OSBPL10: variants seen among roughly 807,000 people sequenced by gnomAD.
OSBPL10 encodes the protein oxysterol binding protein like 10.
A neutral mutation model predicts 81.7 loss-of-function variants in OSBPL10; 49 were observed. The ratio of observed to expected loss-of-function variants is 0.60; its 90% confidence interval spans 0.48 to 0.76. The LOEUF (loss-of-function observed/expected upper bound fraction) is 0.76, where lower values mean the gene tolerates loss of function less well. Among genes scored for constraint, OSBPL10 ranks in the 30% least tolerant of loss-of-function variants. The pLI is 0.00. For missense variants in OSBPL10, 923 were observed against 987.8 expected, an observed-to-expected ratio of 0.93 and a Z score of 0.88; for synonymous variants, 419 against 383.6, an observed-to-expected ratio of 1.09 and a Z score of -1.08.
chr3:31,768,607 T>C (rs1163154718), intron 4 of OSBPL10, among the ~76,000 whole-genome samples: 1 of 152,140 alleles, frequency 6.6e-6, no homozygotes, highest in African/African-American at 2.4e-5. Flanking sequence ...AGGGATAAAT[T>C]GGCCTATGTT....
chr3:31,723,539 T>C (rs924451241), intron 6 of OSBPL10, among the ~76,000 whole-genome samples: 37 of 125,086 alleles, frequency 3.0e-4, no homozygotes, highest in Admixed American at 8.4e-4. Flanking sequence ...CTCTGTTTCT[T>C]ACACACACAC....
At chr3:32,055,920 A>T (rs1375970538) in intron 1 of OSBPL10, among the ~76,000 whole-genome samples, 2 of 152,224 alleles carry the variant, frequency 1.3e-5, no homozygotes, top group Admixed American at 1.3e-4. Flanking sequence ...TTGTATGTGT[A>T]AACCCATGGC....
intron 4 of OSBPL10, among the ~76,000 whole-genome samples, chr3:31,811,410 C>T (rs558505526): frequency 5.3e-5 from 8 of 152,312 alleles, no homozygotes; most frequent in South Asian, 4.1e-4. Context: ...GCAGGGAGGA[C>T]GGCTTTCCCC....
intron 7 of OSBPL10, among the ~76,000 whole-genome samples, chr3:31,688,103 C>T (rs1700839073): frequency 2.0e-5 from 3 of 151,796 alleles, no homozygotes; most frequent in African/African-American, 2.4e-5. Context: ...GCGTAGGAGG[C>T]GTGGCTCCTG....
At position 31,780,164 on chromosome 3, in the gene OSBPL10, G is replaced by A. The variant is rs193082837; in HGVS notation, c.730-32044C>T. Reference sequence around the variant, plus strand: ...AAAGATTAGCCGGGTGTGGTGGCAGGCGCCTGTAGTCCCAGCTACTCAGGA... The same window carrying A: ...AAAGATTAGCCGGGTGTGGTGGCAGACGCCTGTAGTCCCAGCTACTCAGGA... On this transcript the variant is annotated intron_variant, in intron 4 of 11. Transcript: ENST00000396556. Among the ~76,000 whole-genome samples the A allele has an allele frequency of 4.1e-4, 63 of 152,182 alleles. 2 individuals carry two copies. The East Asian group carries it at 7.2e-3, about 17-fold the overall frequency.
At chr3:32,004,942 C>T (rs1384859461) in intron 2 of OSBPL10, among the ~76,000 whole-genome samples, 1 of 152,192 alleles carries the variant, frequency 6.6e-6, no homozygotes, top group East Asian at 1.9e-4. Flanking sequence ...TGTTTCTCCC[C>T]ATAGGCACCC....
At chr3:31,662,403 A>G in intron 11 of OSBPL10, 2 of 1,159,328 alleles carry the variant, frequency 1.7e-6, no homozygotes, top group Non-Finnish European at 2.1e-6. Flanking sequence ...AAAAAAAAGA[A>G]GCACTTTGAC....
chr3:32,021,149 T>C (rs4955124), intron 2 of OSBPL10, among the ~76,000 whole-genome samples: 116,077 of 152,104 alleles, frequency 0.76, 46,983 homozygotes, highest in Non-Finnish European at 0.91. Flanking sequence ...TGTGTCCAAG[T>C]ATAATCACAT....
chr3:31,824,440 C>G (rs986029719), intron 4 of OSBPL10, among the ~76,000 whole-genome samples: 15 of 152,162 alleles, frequency 9.9e-5, no homozygotes, highest in African/African-American at 3.6e-4. Context: ...CATAAAGTCT[C>G]TGATCCAAAA....
At chr3:31,739,144 T>C (rs1383807341) in intron 5 of OSBPL10, among the ~76,000 whole-genome samples, 1 of 152,142 alleles carries the variant, frequency 6.6e-6, no homozygotes, top group Non-Finnish European at 1.5e-5. Context: ...CATACCACAA[T>C]CTTGAACTCC....
chr3:31,928,228 G>A (rs558383595), intron 1 of OSBPL10, among the ~76,000 whole-genome samples: 2 of 152,086 alleles, frequency 1.3e-5, no homozygotes, highest in African/African-American at 4.8e-5. Flanking sequence ...TAATTCGGAG[G>A]TATTGATCTT....
At chr3:31,701,758 C>T (rs983908619) in intron 7 of OSBPL10, 2 of 152,516 alleles carry the variant, frequency 1.3e-5, no homozygotes, top group African/African-American at 4.8e-5. Flanking sequence ...GGTCAGGACA[C>T]TGGTTCTGTT....
intron 4 of OSBPL10, among the ~76,000 whole-genome samples, chr3:31,820,971 A>AC (rs1477274342): frequency 3.3e-5 from 5 of 152,160 alleles, no homozygotes; most frequent in Non-Finnish European, 7.3e-5. Flanking sequence ...AACCAAAAAC[A>AC]CCTTTAGATG....
intron 1 of OSBPL10, among the ~76,000 whole-genome samples, chr3:31,895,690 A>C (rs1028944314): frequency 6.6e-6 from 1 of 152,192 alleles, no homozygotes; most frequent in Admixed American, 6.5e-5. Context: ...AAAACAGGGG[A>C]TTATAATGCT....
intron 10 of OSBPL10, among the ~76,000 whole-genome samples, chr3:31,667,946 T>C (rs1330973396): frequency 6.6e-6 from 1 of 152,264 alleles, no homozygotes; most frequent in African/African-American, 2.4e-5. Flanking sequence ...ATTCATACCA[T>C]AGTCACAGCA....
intron 2 of OSBPL10, among the ~76,000 whole-genome samples, chr3:32,035,255 A>G (rs1001740899): frequency 6.6e-5 from 10 of 152,166 alleles, no homozygotes; most frequent in Non-Finnish European, 7.3e-5. Context: ...ATAATAAAAC[A>G]AAAACTTACA....
At chr3:31,916,988 G>A (rs758576067) in intron 1 of OSBPL10, among the ~76,000 whole-genome samples, 24 of 152,116 alleles carry the variant, frequency 1.6e-4, no homozygotes, top group African/African-American at 2.4e-4. Flanking sequence ...TCAAAAAATC[G>A]ATTTCAAGCC....
intron 3 of OSBPL10, among the ~76,000 whole-genome samples, chr3:31,836,196 G>A (rs1032608587): frequency 3.3e-5 from 5 of 152,046 alleles, no homozygotes; most frequent in African/African-American, 4.8e-5. Context: ...TAAGTAACCA[G>A]GCATAGAAAA....
At chr3:31,984,432 A>G (rs773134739), upstream of OSBPL10, among the ~76,000 whole-genome samples, 58 of 151,674 alleles carry the variant, frequency 3.8e-4, no homozygotes, top group Non-Finnish European at 5.7e-4. Flanking sequence ...GAAATTATAG[A>G]GAGTCGAAGT....
Sources: allele counts gnomAD v4.1 joint callset (sites outside exome capture counted in the v4.1 genomes callset), GRCh38; gene constraint gnomAD v4.1.1; transcripts MANE v1.5; gene names NCBI Gene and HGNC (gene_info 2026-07-23, HGNC 2026-07-21).